The following PGPEP1L variants were observed in gnomAD, a reference collection of about 807,000 sequenced individuals.
PGPEP1L encodes the protein pyroglutamyl-peptidase I like.
PGPEP1L carries 7 observed loss-of-function variants against 6.0 expected under a neutral mutation model. The observed-to-expected ratio is 1.17, with a 90% CI of 0.66 to 2.19. PGPEP1L has a LOEUF of 2.19. Ranked by LOEUF, PGPEP1L falls within the 30% of genes most tolerant of loss-of-function variation. The probability of loss-of-function intolerance (pLI) is 0.00; values close to 1 mark genes in which losing one functional copy is unlikely to be tolerated. For missense variants in PGPEP1L, 209 were observed against 192.5 expected, an observed-to-expected ratio of 1.09 and a Z score of -0.51; for synonymous variants, 103 against 83.9, an observed-to-expected ratio of 1.23 and a Z score of -1.24.
intron 2 of PGPEP1L, among the ~76,000 whole-genome samples, chr15:99,000,892 A>G (rs2266355): frequency 0.93 from 141,790 of 152,156 alleles, 66,093 homozygotes; most frequent in South Asian, 0.94. Context: ...TTCGCTCTTT[A>G]CAATCAATCT....
chr15:98,975,411 G>A (rs970637331), intron 2 of PGPEP1L, among the ~76,000 whole-genome samples: 2 of 152,226 alleles, frequency 1.3e-5, no homozygotes, highest in African/African-American at 4.8e-5. Flanking sequence ...CAATAGCATA[G>A]TAGGGTGACA....
intron 3 of PGPEP1L, among the ~76,000 whole-genome samples, chr15:98,970,739 C>T (rs1278203033): frequency 6.6e-6 from 1 of 152,216 alleles, no homozygotes; most frequent in African/African-American, 2.4e-5. Context: ...GGGCCCAACC[C>T]AAGGGCCTCT....
intron 2 of PGPEP1L, among the ~76,000 whole-genome samples, chr15:98,978,112 G>C (rs763334666): frequency 3.3e-5 from 5 of 152,216 alleles, no homozygotes; most frequent in African/African-American, 4.8e-5. Context: ...TGGGGACCCA[G>C]TGCCTGAAAT....
In PGPEP1L at chr15:98,968,456, C is replaced by T. The variant is rs773625234; in HGVS notation, c.*22G>A. 6.2e-7 allele frequency: 1 copy of T among 1,602,696 alleles called. No homozygotes were observed. The highest frequency in any genetic ancestry group is 8.5e-7 in the Non-Finnish European group (1 of 1,173,478). ...ATACAGGATTGAAACATTCAATTTT[C>T]TCTAGAGGAGCAATCCCCCGGTCAG... is the stretch of plus-strand genomic sequence containing the variant. On this transcript the variant is annotated 3_prime_UTR_variant, in exon 5 of 5. Transcript: ENST00000535714.
chr15:99,001,145 A>T (rs2017962089), intron 2 of PGPEP1L: 3 of 447,330 alleles, frequency 6.7e-6, no homozygotes, highest in Non-Finnish European at 1.3e-5. Flanking sequence ...CAGTCAAGAA[A>T]TAAACTCTGG....
chr15:98,979,964 A>G (rs2017633796), intron 2 of PGPEP1L, among the ~76,000 whole-genome samples: 2 of 152,162 alleles, frequency 1.3e-5, no homozygotes, highest in Admixed American at 6.5e-5. Flanking sequence ...GTCCTCACTC[A>G]TAAGTGGGAG....
chr15:98,999,508 C>T (rs545517396), intron 2 of PGPEP1L, among the ~76,000 whole-genome samples: 5 of 152,124 alleles, frequency 3.3e-5, no homozygotes, highest in African/African-American at 9.6e-5. Flanking sequence ...ACTGTTGCTC[C>T]GGGAAATAGT....
intron 2 of PGPEP1L, among the ~76,000 whole-genome samples, chr15:98,987,699 T>C (rs782202769): frequency 2.0e-5 from 3 of 152,142 alleles, no homozygotes; most frequent in Non-Finnish European, 2.9e-5. Flanking sequence ...CTCTTGAAGA[T>C]AGCCAAATAG....
intron 2 of PGPEP1L, among the ~76,000 whole-genome samples, chr15:98,978,601 T>A (rs1032997289): frequency 2.0e-5 from 3 of 151,748 alleles, no homozygotes; most frequent in African/African-American, 7.3e-5. Flanking sequence ...AACTAAGACT[T>A]ATCTTCTGAA....
chr15:98,991,397 G>A (rs1555472046), intron 2 of PGPEP1L, among the ~76,000 whole-genome samples: 1 of 152,124 alleles, frequency 6.6e-6, no homozygotes, highest in East Asian at 1.9e-4. Flanking sequence ...ACCCTCCCAA[G>A]ATTAAACCAG....
In PGPEP1L at chr15:98,969,478, G is replaced by A. The variant is rs767545569; in HGVS notation, c.156C>T (p.Cys52=). The change falls in exon 4 of 5, where the codon TGC becomes TGT. Residue 52 remains cysteine (C), a synonymous_variant. Transcript: ENST00000535714. Reference sequence around the variant, plus strand: ...CGACACCCTCCACAGCTACGCGCTTGCAGACTGCCTTCATGCAGACCCCTG... The same window carrying A: ...CGACACCCTCCACAGCTACGCGCTTACAGACTGCCTTCATGCAGACCCCTG... ...LESGVCMKAV[C]KRVAVEGVDV... 1 of 1,613,932 alleles carries A rather than the reference G, an allele frequency of 6.2e-7. No individual in the cohort carries two copies.
chr15:98,981,723 T>C (rs1156985113), intron 2 of PGPEP1L, among the ~76,000 whole-genome samples: 1 of 152,190 alleles, frequency 6.6e-6, no homozygotes, highest in Non-Finnish European at 1.5e-5. Context: ...TTGTGACAAA[T>C]ACACCATACT....
At chr15:98,975,460 C>T (rs1002194529) in intron 2 of PGPEP1L, among the ~76,000 whole-genome samples, 1 of 152,098 alleles carries the variant, frequency 6.6e-6, no homozygotes, top group Non-Finnish European at 1.5e-5. Context: ...CAAAATAGCT[C>T]GAAGAGATTT....
chr15:99,006,591 G>A (rs114404220), intron 1 of PGPEP1L, among the ~76,000 whole-genome samples: 2,879 of 152,326 alleles, frequency 0.019, 102 homozygotes, highest in African/African-American at 0.066. Flanking sequence ...CATTTTGAGA[G>A]GCCAAGGTAG....
At chr15:98,999,906 C>A (rs965565220) in intron 2 of PGPEP1L, among the ~76,000 whole-genome samples, 1 of 152,278 alleles carries the variant, frequency 6.6e-6, no homozygotes, top group Non-Finnish European at 1.5e-5. Context: ...GCAGCCCTTG[C>A]GCACTCTCAG....
At chr15:98,980,453 C>T (rs1327495083) in intron 2 of PGPEP1L, among the ~76,000 whole-genome samples, 2 of 2,408 alleles carry the variant, frequency 8.3e-4, no homozygotes. Flanking sequence ...GAAATGACTA[C>T]ATACATAAGT....
rs548261790 is a variant in PGPEP1L, at chr15:99,005,501, C to T, written c.-214G>A. 5 of 152,450 alleles carry T rather than the reference C, an allele frequency of 3.3e-5. No individual in the cohort carries two copies. Among genetic ancestry groups the T allele is most frequent in the Non-Finnish European group, 5.9e-5 (4 of 68,066 alleles). 9.4% of individuals were successfully genotyped at this position (152,450 alleles called of 1,614,324 possible). On this transcript the variant is annotated 5_prime_UTR_variant, in exon 2 of 5. Coordinates refer to ENST00000535714, the MANE Select transcript of PGPEP1L (RefSeq NM_001167902.2). The stretch of plus-strand genomic sequence containing the variant: ...GAGCTCGCGCTGCGCCTCCCTGGCT[C>T]AGGCAGCGGCCCAGCGGCCGGGCTC...
chr15:98,999,753 G>A (rs80233305), intron 2 of PGPEP1L, among the ~76,000 whole-genome samples: 2,660 of 152,352 alleles, frequency 0.017, 78 homozygotes, highest in African/African-American at 0.059. Context: ...GAAGAGAGAA[G>A]TAGAAACATC....
At chr15:99,004,105 TCTAA>T (rs1309593393) in intron 2 of PGPEP1L, among the ~76,000 whole-genome samples, 43 of 144,438 alleles carry the variant, frequency 3.0e-4, no homozygotes, top group African/African-American at 9.7e-4. Flanking sequence ...GCCAAATGTG[TCTAA>T]CTAAAAATGA....
Sources: gnomAD v4.1 joint callset for allele counts (sites outside exome capture counted in the v4.1 genomes callset) on GRCh38, gnomAD v4.1.1 for gene constraint, MANE v1.5 for transcripts, NCBI Gene and HGNC (gene_info 2026-07-23, HGNC 2026-07-21) for gene names.